PLOD1: variants seen among roughly 807,000 people sequenced by gnomAD.
PLOD1 encodes the protein procollagen-lysine,2-oxoglutarate 5-dioxygenase 1, also known as lysine hydroxylase.
PLOD1 carries 70 observed loss-of-function variants against 94.7 expected under a neutral mutation model. The observed-to-expected ratio is 0.74, with a 90% confidence interval of 0.61 to 0.90. PLOD1 has a LOEUF of 0.90. Among genes scored for constraint, PLOD1 ranks in the 40% least tolerant of loss-of-function variants. The pLI, the probability that PLOD1 is intolerant of heterozygous loss-of-function variation, is 0.00. For missense variants in PLOD1, 905 were observed against 972.7 expected (o/e 0.93, Z 0.93); for synonymous variants, 417 against 400.2 (o/e 1.04, Z -0.50).
Position 11,964,631 on chromosome 1 carries a change from G to A in PLOD1, c.1329-13G>A, listed in dbSNP as rs1405107377. 9.3e-6 allele frequency: 15 copies of A among 1,610,702 alleles called. No homozygotes were observed. Among genetic ancestry groups the A allele is most frequent in the Non-Finnish European group, 1.2e-5 (14 of 1,179,680 alleles). ...AGCCTCTGACCCCCACCCGCTTTCT[G>A]TCTCTCCCACAGTGGTGTCTGGAAT... On this transcript the variant is annotated splice_polypyrimidine_tract_variant and intron_variant, in intron 12 of 18. Transcript: ENST00000196061.
chr1:11,967,597 G>GTGTATATATATA (rs1391982281), intron 16 of PLOD1, among the ~76,000 whole-genome samples: 7 of 59,776 alleles, frequency 1.2e-4, no homozygotes, highest in East Asian at 7.6e-4. Flanking sequence ...GTGTGTGTGT[G>GTGTATATATATA]TATATATATA....
chr1:11,949,808 G>C lies in PLOD1; in HGVS notation c.204G>C (p.Lys68Asn). The C allele has an allele frequency of 6.2e-7, 1 of 1,614,090 alleles. No individual in the cohort carries two copies. The highest frequency in any genetic ancestry group is 8.5e-7 in the Non-Finnish European group (1 of 1,179,946). Residue 68 changes from lysine (K) to asparagine (N), a missense_variant, in exon 3 of 19, where the codon AAG (lysine) becomes AAC (asparagine). Physicochemically the swap from Lys to Asn is moderately conservative, Grantham distance 94 (BLOSUM62 0). Transcript: ENST00000196061. ...TAGGGGAGGACTGGAATGTGGAGAAGGGGACGTCGGCAGGTGGAGGGCAGA... is the reference window on the plus strand; with the variant it reads ...TAGGGGAGGACTGGAATGTGGAGAACGGGACGTCGGCAGGTGGAGGGCAGA... ...LGLGEDWNVE[K>N]GTSAGGGQKV...
chr1:11,960,240 G>T (rs1475593778), intron 9 of PLOD1, among the ~76,000 whole-genome samples: 2 of 152,220 alleles, frequency 1.3e-5, no homozygotes, highest in Non-Finnish European at 2.9e-5. Context: ...AAAGTGCTGC[G>T]AATACAGGCG....
chr1:11,956,260 T>C (rs539281567), intron 6 of PLOD1, among the ~76,000 whole-genome samples: 1 of 152,252 alleles, frequency 6.6e-6, no homozygotes, highest in Non-Finnish European at 1.5e-5. Context: ...GGCATGTGCC[T>C]GTAATCCCAG....
chr1:11,948,112 G>A (rs746183003), intron 2 of PLOD1, 45 bp downstream of exon 2: 2 of 1,261,950 alleles, frequency 1.6e-6, no homozygotes, highest in East Asian at 2.3e-5. Context: ...GGGGTGGCAG[G>A]AGGATCTAGG....
chr1:11,959,003 G>A (rs1417253859), intron 9 of PLOD1, among the ~76,000 whole-genome samples: 1 of 152,110 alleles, frequency 6.6e-6, no homozygotes, highest in Non-Finnish European at 1.5e-5. Flanking sequence ...TCGGGAGTTC[G>A]AGACTAGCCT....
chr1:11,971,213 G>T (rs998946313), intron 17 of PLOD1, among the ~76,000 whole-genome samples: 3 of 111,702 alleles, frequency 2.7e-5, no homozygotes, highest in African/African-American at 1.0e-4. Flanking sequence ...GGTGGGAGGG[G>T]TAGGGTGGAG....
At chr1:11,950,090 G>A (rs1034304504) in intron 3 of PLOD1, among the ~76,000 whole-genome samples, 184 bp downstream of exon 3, 1 of 152,214 alleles carries the variant, frequency 6.6e-6, no homozygotes. Context: ...AAGATAAAGA[G>A]GAGGTGACCC....
In PLOD1 at chr1:11,934,788, C is replaced by T. The variant is rs968182062; in HGVS notation, c.9C>T (p.Pro3=). The T allele has an allele frequency of 6.5e-7, 1 of 1,539,380 alleles. No homozygotes were observed. Among genetic ancestry groups the T allele is most frequent in the Non-Finnish European group, 8.7e-7 (1 of 1,145,770 alleles). Residue 3 remains proline (P), a synonymous_variant, in exon 1 of 19, where the codon CCC becomes CCT. Coordinates refer to ENST00000196061, the MANE Select transcript of PLOD1 (RefSeq NM_000302.4). The part of the protein sequence containing the change: MR[P]LLLLALLGWL... ...TCCCCCATACCTCGGCCATGCGGCC[C>T]CTGCTGCTACTGGCCCTGCTGGGCT...
intron 16 of PLOD1, among the ~76,000 whole-genome samples, chr1:11,967,496 G>A (rs1368939596): frequency 1.3e-5 from 2 of 148,966 alleles, no homozygotes; most frequent in Non-Finnish European, 3.0e-5. Context: ...GCCTGCTGAG[G>A]GTGCTAGGCC....
intron 6 of PLOD1, 111 bp downstream of exon 6, chr1:11,955,004 G>A (rs1645728819): frequency 3.6e-6 from 3 of 833,516 alleles, no homozygotes. Context: ...TGGCCATTGT[G>A]CTGAGAGGTC....
At chr1:11,974,422 G>T (rs1645888899) in intron 18 of PLOD1, among the ~76,000 whole-genome samples, 1 of 152,080 alleles carries the variant, frequency 6.6e-6, no homozygotes, top group African/African-American at 2.4e-5. Flanking sequence ...ACCTCAGGTG[G>T]TCCACCCGCC....
intron 12 of PLOD1, 131 bp from the exon 13 acceptor site, chr1:11,964,513 C>A (rs1242623106): frequency 2.1e-6 from 2 of 952,242 alleles, no homozygotes; most frequent in Non-Finnish European, 1.7e-6. Context: ...CACAATTGTG[C>A]CCCCCTAGCC....
At chr1:11,944,397 G>A in intron 1 of PLOD1, 1 of 448,762 alleles carries the variant, frequency 2.2e-6, no homozygotes, top group Non-Finnish European at 3.9e-6. Context: ...GTTCCATCAA[G>A]AATCCTGAAT....
At chr1:11,954,249 G>C (rs535391291) in intron 5 of PLOD1, 3 of 256,096 alleles carry the variant, frequency 1.2e-5, no homozygotes, top group Admixed American at 1.0e-4. Context: ...GGCGGGGGCG[G>C]ATCACCTGAG....
At chr1:11,944,514 C>G (rs1224646619) in intron 1 of PLOD1, 1 of 1,336,136 alleles carries the variant, frequency 7.5e-7, no homozygotes, top group South Asian at 1.2e-5. Context: ...TCTTCCTGTC[C>G]CCAGCAGCCC....
At chr1:11,948,532 A>T (rs1054807090) in intron 2 of PLOD1, among the ~76,000 whole-genome samples, 1 of 152,182 alleles carries the variant, frequency 6.6e-6, no homozygotes, top group Non-Finnish European at 1.5e-5. Context: ...GTTCGAGACC[A>T]GCCTGGCCAA....
intron 1 of PLOD1, 59 bp from the exon 2 acceptor site, chr1:11,947,917 C>T: frequency 9.0e-7 from 1 of 1,106,520 alleles, no homozygotes; most frequent in Admixed American, 1.7e-5. Context: ...ACAAAGACCT[C>T]CTCCCTGTCA....
rs748556222 is a variant in PLOD1, at chr1:11,954,440, C to T, written c.580-390C>T. On this transcript the variant is annotated intron_variant, in intron 5 of 18. Transcript: ENST00000196061. ...GGCGGAGGTTGCAGTGAGTCGAGGT[C>T]GTGCCATTGCACTCCAGCCTGGGTG... is the stretch of plus-strand genomic sequence containing the variant. 2.3e-4 allele frequency: 106 copies of T among 459,286 alleles called. 1 individual carries two copies. The highest frequency in any genetic ancestry group is 4.1e-5 in the Non-Finnish European group (9 of 221,922). 28.5% of individuals were successfully genotyped at this position (459,286 alleles called of 1,614,324 possible).
Sources: gnomAD v4.1 joint callset for allele counts (sites outside exome capture counted in the v4.1 genomes callset) on GRCh38, gnomAD v4.1.1 for gene constraint, MANE v1.5 for transcripts, NCBI Gene and HGNC (gene_info 2026-07-23, HGNC 2026-07-21) for gene names.